The following STAC variants were observed in gnomAD, a reference collection of about 807,000 sequenced individuals.
STAC encodes SH3 and cysteine rich domain, also known as SH3 and cysteine-rich domain-containing protein.
In STAC, 43 loss-of-function variants were observed where a neutral mutation model predicts 48.8. The ratio of observed to expected loss-of-function variants is 0.88; its 90% CI spans 0.69 to 1.14. The LOEUF (loss-of-function observed/expected upper bound fraction) is 1.14. Among genes scored for constraint, STAC ranks in the 50% most tolerant of loss-of-function variants. The pLI, the probability that STAC is intolerant of heterozygous loss-of-function variation, is 0.00. For synonymous variants in STAC, 193 were observed against 179.5 expected, an observed-to-expected ratio of 1.07 and a Z score of -0.60; for missense variants, 497 against 504.0, an observed-to-expected ratio of 0.99 and a Z score of 0.13.
intron 6 of STAC, among the ~76,000 whole-genome samples, chr3:36,496,830 G>A (rs184435063): frequency 1.2e-4 from 19 of 152,238 alleles, no homozygotes; most frequent in Non-Finnish European, 1.8e-4. Flanking sequence ...AAATAATAAT[G>A]TTATTGGCTG....
intron 1 of STAC, among the ~76,000 whole-genome samples, chr3:36,414,939 G>C (rs1191504687): frequency 3.3e-5 from 5 of 152,224 alleles, no homozygotes; most frequent in Non-Finnish European, 5.9e-5. Flanking sequence ...GTCCACTCCA[G>C]ACCCTGTTTG....
At chr3:36,488,784 G>A (rs1349396377) in intron 5 of STAC, among the ~76,000 whole-genome samples, 3 of 152,130 alleles carry the variant, frequency 2.0e-5, no homozygotes, top group African/African-American at 4.8e-5. Flanking sequence ...AGAAATAACC[G>A]TGCTACCCTT....
intron 1 of STAC, among the ~76,000 whole-genome samples, chr3:36,396,505 T>C (rs1010956871): frequency 1.4e-4 from 22 of 152,264 alleles, no homozygotes; most frequent in African/African-American, 5.1e-4. Flanking sequence ...GGGAAATTAG[T>C]GCTTTCCATC....
In STAC at chr3:36,380,742, C is replaced by T. The variant is rs1699490818; in HGVS notation, c.99C>T (p.Ser33=). 6.2e-7 allele frequency: 1 copy of T among 1,611,048 alleles called. No individual in the cohort carries two copies. Among genetic ancestry groups the T allele is most frequent in the Non-Finnish European group, 8.5e-7 (1 of 1,178,326 alleles). ...EQPPSPASTS[S]QESKLQKLKR... The stretch of plus-strand genomic sequence containing the variant: ...CGCCCTCTCCTGCATCCACCAGCAG[C>T]CAGGAATCCAAGGTACCGAGCACGC... The change falls in exon 1 of 11, where the codon AGC becomes AGT. Residue 33 remains serine (S), a synonymous_variant. Transcript: ENST00000273183.
rs1441648528 is a variant in STAC at position 36,528,937 on chromosome 3, C to G, written c.1062C>G (p.Thr354=). 6.2e-7 allele frequency: 1 copy of G among 1,613,488 alleles called. No homozygotes were observed. Among genetic ancestry groups the G allele is most frequent in the South Asian group, 1.1e-5 (1 of 91,024 alleles). Residue 354 remains threonine (T), a synonymous_variant, in exon 10 of 11, where the codon ACC becomes ACG. Coordinates refer to ENST00000273183, the MANE Select transcript of STAC (RefSeq NM_003149.3). ...QNEKIFRCVR[T]FIGCKEQGQI... ...AGAAGATTTTTAGATGTGTTAGAAC[C>G]TTCATTGGGTGTAAGGAACAGGGGC... is the stretch of plus-strand genomic sequence containing the variant.
intron 10 of STAC, among the ~76,000 whole-genome samples, chr3:36,541,082 T>C (rs1329045123): frequency 6.6e-6 from 1 of 152,156 alleles, no homozygotes; most frequent in Non-Finnish European, 1.5e-5. Flanking sequence ...AAATGATAGC[T>C]ACGTCCCCTA....
In STAC at chr3:36,443,329, A is replaced by G. The variant is rs1575203149; in HGVS notation, c.112-35A>G. ...CAGCCTAGGTCTGCTTGATCCATTG[A>G]TCGTAAGAGAGACTGTTCTGTCATT... On this transcript the variant is annotated intron_variant, in intron 1 of 10. Coordinates refer to ENST00000273183, the MANE Select transcript of STAC (RefSeq NM_003149.3). The surrounding 1 kb of genome is among the most constrained non-coding windows in gnomAD (Gnocchi z 4.2). 1 of 1,612,082 alleles carries G rather than the reference A, an allele frequency of 6.2e-7. No individual in the cohort carries two copies. The highest frequency in any genetic ancestry group is 2.2e-5 in the East Asian group (1 of 44,874).
chr3:36,511,088 C>T (rs1216627488), intron 8 of STAC, among the ~76,000 whole-genome samples: 1 of 151,530 alleles, frequency 6.6e-6, no homozygotes, highest in Non-Finnish European at 1.5e-5. Context: ...AATAGGTGAG[C>T]CTTGTGACCT....
In STAC at chr3:36,453,285, C is replaced by G. The variant is rs187542127; in HGVS notation, c.388+9645C>G. ...TCAGCCCGCCGCTGCACTGTGGGGG[C>G]CCCATTCTGGGCTGGCCAAGGCCGG... On this transcript the variant is annotated intron_variant, in intron 2 of 10. Transcript: ENST00000273183. Among the ~76,000 whole-genome samples, 1,343 of 152,362 alleles carry G rather than the reference C, an allele frequency of 8.8e-3. 7 individuals are homozygous for G. The highest frequency in any genetic ancestry group is 0.024 in the Middle Eastern group (7 of 294).
intron 2 of STAC, among the ~76,000 whole-genome samples, chr3:36,466,945 T>G (rs1393174358): frequency 2.0e-5 from 3 of 152,072 alleles, no homozygotes. Flanking sequence ...GGGAATGCTT[T>G]CAACTTTCCC....
rs957613661 is a variant in STAC at position 36,547,271 on chromosome 3, G to A, written c.*982G>A. On this transcript the variant is annotated 3_prime_UTR_variant, in exon 11 of 11. Transcript: ENST00000273183. ...CTACGTTGCAGGGAACTAGGAACAT[G>A]GAGGGGAACCAACAACAGCATCTTA... 1 of 152,498 alleles carries A rather than the reference G, an allele frequency of 6.6e-6. No homozygotes were observed. The highest frequency in any genetic ancestry group is 2.4e-5 in the African/African-American group (1 of 41,454). 9.4% of individuals were successfully genotyped at this position (152,498 alleles called of 1,614,324 possible). A position where few individuals can be genotyped will look rare whatever the true frequency, so the allele number is the denominator to read the frequency against.
At chr3:36,435,782 C>T (rs1034431346) in intron 1 of STAC, among the ~76,000 whole-genome samples, 13 of 152,130 alleles carry the variant, frequency 8.5e-5, no homozygotes, top group South Asian at 2.1e-4. Context: ...CCTTACTTGA[C>T]GTTATTATTT....
chr3:36,391,600 C>T (rs941487744), intron 1 of STAC, among the ~76,000 whole-genome samples: 2 of 152,138 alleles, frequency 1.3e-5, no homozygotes, highest in Non-Finnish European at 2.9e-5. Flanking sequence ...TGTTTTTTCT[C>T]ATGTGCTCTT....
At chr3:36,418,293 G>C (rs142634976) in intron 1 of STAC, among the ~76,000 whole-genome samples, 87 of 151,910 alleles carry the variant, frequency 5.7e-4, no homozygotes, top group African/African-American at 1.9e-3. Context: ...AACTATGATT[G>C]TATCTCTTAA....
intron 1 of STAC, among the ~76,000 whole-genome samples, chr3:36,386,618 G>C (rs1391728059): frequency 6.6e-6 from 1 of 151,886 alleles, no homozygotes; most frequent in East Asian, 1.9e-4. Flanking sequence ...ATTTGGAATT[G>C]CTTTTTTGGT....
chr3:36,435,958 G>A (rs936180810), intron 1 of STAC, among the ~76,000 whole-genome samples: 3 of 152,034 alleles, frequency 2.0e-5, no homozygotes, highest in Non-Finnish European at 4.4e-5. Context: ...ATACTGGAAT[G>A]CCCCAGAGTT....
intron 8 of STAC, among the ~76,000 whole-genome samples, chr3:36,521,213 G>A (rs900884457): frequency 1.3e-5 from 2 of 151,936 alleles, no homozygotes; most frequent in Non-Finnish European, 2.9e-5. Context: ...GAATGAGAAA[G>A]GGCAGGAAAT....
At chr3:36,480,632 G>C (rs1004895901) in intron 2 of STAC, among the ~76,000 whole-genome samples, 6 of 152,112 alleles carry the variant, frequency 3.9e-5, no homozygotes, top group African/African-American at 1.4e-4. Flanking sequence ...AACTAGGCAG[G>C]ACCTTCTCCA....
intron 6 of STAC, among the ~76,000 whole-genome samples, chr3:36,498,641 T>C (rs1236263481): frequency 6.6e-6 from 1 of 152,078 alleles, no homozygotes; most frequent in Admixed American, 6.6e-5. Flanking sequence ...TAATCCCAGC[T>C]AGCTGGGAGG....
Sources: allele counts gnomAD v4.1 joint callset (sites outside exome capture counted in the v4.1 genomes callset), GRCh38; gene constraint gnomAD v4.1.1; non-coding constraint Gnocchi (gnomAD v3.1); transcripts MANE v1.5; gene names NCBI Gene and HGNC (gene_info 2026-07-23, HGNC 2026-07-21).